MOB4: variants seen among roughly 807,000 people sequenced by gnomAD.
MOB4 encodes the protein MOB-like protein phocein.
MOB4 carries 4 observed loss-of-function variants against 32.2 expected under a neutral mutation model. The observed-to-expected ratio is 0.12, with a 90% CI of 0.06 to 0.28. MOB4 has a LOEUF of 0.28. Among genes scored for constraint, MOB4 ranks in the 10% least tolerant of loss-of-function variants. The probability of loss-of-function intolerance (pLI) is 1.00; values close to 1 mark genes in which losing one functional copy is unlikely to be tolerated. For missense variants in MOB4, 158 were observed against 271.2 expected (o/e 0.58, Z 2.93); for synonymous variants, 88 against 88.1 (o/e 1.00, Z 0.01).
chr2:197,550,802 T>C lies in MOB4; in HGVS notation c.*156T>C, dbSNP rs1413049084. On this transcript the variant is annotated 3_prime_UTR_variant, in exon 8 of 8. Transcript: ENST00000323303. ...GCCTTTTAAAATGGGAAATACTTTT[T>C]AAGTTATTCATAAGCTGTATATTCA... 2 of 885,680 alleles carry C rather than the reference T, an allele frequency of 2.3e-6. No homozygotes were observed. The highest frequency in any genetic ancestry group is 3.1e-6 in the Non-Finnish European group (2 of 647,372). The allele number at this position is 885,680 out of a possible 1,614,324, so 54.9% of individuals were successfully genotyped here. A position where few individuals can be genotyped will look rare whatever the true frequency, so the allele number is the denominator to read the frequency against.
At chr2:197,534,856 T>C (rs1319194338) in intron 2 of MOB4, among the ~76,000 whole-genome samples, 1 of 152,034 alleles carries the variant, frequency 6.6e-6, no homozygotes, top group Non-Finnish European at 1.5e-5. Context: ...TAGAACATAT[T>C]TATCCTTCCT....
At position 197,523,621 on chromosome 2, in the gene MOB4, T is replaced by C. The variant is rs1222326036; in HGVS notation, c.61-3T>C. The C allele has an allele frequency of 2.5e-6, 4 of 1,608,056 alleles. No homozygotes were observed. Among genetic ancestry groups the C allele is most frequent in the Non-Finnish European group, 3.4e-6 (4 of 1,178,554 alleles). ...TGCTTTAACCGTGAATTTATTTTTA[T>C]AGGATTTCTATAATTGGCCTGATGA... On this transcript the variant is annotated splice_polypyrimidine_tract_variant and splice_region_variant and intron_variant, in intron 1 of 7. Transcript: ENST00000323303.
intron 5 of MOB4, among the ~76,000 whole-genome samples, chr2:197,541,085 G>C (rs1422731051): frequency 2.6e-5 from 4 of 151,966 alleles, no homozygotes; most frequent in African/African-American, 9.7e-5. Context: ...ATTTTTAGTA[G>C]AGATGGGGTT....
chr2:197,547,259 G>A (rs1317151917), intron 5 of MOB4, among the ~76,000 whole-genome samples: 4 of 152,144 alleles, frequency 2.6e-5, no homozygotes, highest in Non-Finnish European at 5.9e-5. Context: ...GATTTACGCA[G>A]TTCAAACCTG....
At chr2:197,538,611 G>T (rs1277769007) in intron 3 of MOB4, among the ~76,000 whole-genome samples, 3 of 152,128 alleles carry the variant, frequency 2.0e-5, no homozygotes, top group Non-Finnish European at 4.4e-5. Flanking sequence ...TTCCAGCTCT[G>T]GTTGGTCTCT....
At chr2:197,549,060 C>G (rs1224732551) in intron 6 of MOB4, among the ~76,000 whole-genome samples, 2 of 152,102 alleles carry the variant, frequency 1.3e-5, no homozygotes, top group Non-Finnish European at 2.9e-5. Flanking sequence ...GAAACTCCTT[C>G]TCTACTAAAA....
chr2:197,531,639 C>T (rs2086706857), intron 2 of MOB4, among the ~76,000 whole-genome samples: 1 of 152,048 alleles, frequency 6.6e-6, no homozygotes, highest in African/African-American at 2.4e-5. Context: ...GATCTTGGCT[C>T]ACTGCAACCT....
At chr2:197,526,753 G>C (rs1447344334) in intron 2 of MOB4, among the ~76,000 whole-genome samples, 1 of 152,214 alleles carries the variant, frequency 6.6e-6, no homozygotes, top group Non-Finnish European at 1.5e-5. Flanking sequence ...TGGTTTAAAT[G>C]CCTTTCCTTT....
chr2:197,539,078 A>G (rs1574646099), intron 3 of MOB4, among the ~76,000 whole-genome samples: 1 of 151,378 alleles, frequency 6.6e-6, no homozygotes, highest in African/African-American at 2.4e-5. Flanking sequence ...TTGTCTTCTG[A>G]TTATATAGGT....
intron 3 of MOB4, among the ~76,000 whole-genome samples, chr2:197,536,904 T>G (rs2086809484): frequency 6.6e-6 from 1 of 152,068 alleles, no homozygotes. Flanking sequence ...CTTGTCTTTT[T>G]TTTTTCCTTT....
intron 5 of MOB4, among the ~76,000 whole-genome samples, 186 bp downstream of exon 5, chr2:197,540,623 C>A (rs547438665): frequency 6.8e-4 from 103 of 152,290 alleles, no homozygotes; most frequent in African/African-American, 2.3e-3. Context: ...CATCATTTTT[C>A]ATAATTGGGC....
At chr2:197,515,942 C>G, upstream of MOB4, 2 of 804,378 alleles carry the variant, frequency 2.5e-6, no homozygotes, top group South Asian at 1.8e-5. Flanking sequence ...CCGCTTCTAC[C>G]CGGACGGCTC....
At chr2:197,516,020 C>A, upstream of MOB4, 1 of 1,503,832 alleles carries the variant, frequency 6.6e-7, no homozygotes, top group South Asian at 1.2e-5. Flanking sequence ...CCGCTCTGCC[C>A]CGCCCCCCGC....
In MOB4 at chr2:197,551,346, G is replaced by C. The variant is rs2087094544; in HGVS notation, c.*700G>C. Reference sequence around the variant, plus strand: ...TATTTTCCCACTGGAAACCTGCCCTGTCCACCCCTTCTCATTTCCCTTAAC... The same window carrying C: ...TATTTTCCCACTGGAAACCTGCCCTCTCCACCCCTTCTCATTTCCCTTAAC... On this transcript the variant is annotated 3_prime_UTR_variant, in exon 8 of 8. Coordinates refer to ENST00000323303, the MANE Select transcript of MOB4 (RefSeq NM_015387.5). 1 of 152,682 alleles carries C rather than the reference G, an allele frequency of 6.5e-6. No homozygotes were observed. Among genetic ancestry groups the C allele is most frequent in the South Asian group, 2.1e-4 (1 of 4,824 alleles). 9.5% of individuals were successfully genotyped at this position (152,682 alleles called of 1,614,324 possible). A position where few individuals can be genotyped will look rare whatever the true frequency, so the allele number is the denominator to read the frequency against.
intron 2 of MOB4, among the ~76,000 whole-genome samples, chr2:197,533,546 G>A (rs1467172130): frequency 6.6e-6 from 1 of 151,918 alleles, no homozygotes; most frequent in African/African-American, 2.4e-5. Flanking sequence ...CTAACATGGC[G>A]AAACCCTGTC....
intron 4 of MOB4, 29 bp downstream of exon 4, chr2:197,540,182 A>AT: frequency 6.3e-7 from 1 of 1,597,240 alleles, no homozygotes; most frequent in Non-Finnish European, 8.5e-7. Context: ...CAAAGTTATA[A>AT]TTGAAAGTTC....
intron 2 of MOB4, among the ~76,000 whole-genome samples, chr2:197,530,603 C>A (rs13388275): frequency 0.041 from 6,162 of 151,832 alleles, 411 homozygotes; most frequent in African/African-American, 0.14. Context: ...CATTCAAATT[C>A]TCCTGGCTTC....
chr2:197,522,033 T>C (rs2086529192), intron 1 of MOB4, among the ~76,000 whole-genome samples: 1 of 152,144 alleles, frequency 6.6e-6, no homozygotes, highest in Non-Finnish European at 1.5e-5. Context: ...GTTTAGAGAC[T>C]GCAGTAAAGA....
At chr2:197,549,213 A>G (rs2106140253) in intron 6 of MOB4, among the ~76,000 whole-genome samples, 1 of 151,918 alleles carries the variant, frequency 6.6e-6, no homozygotes, top group East Asian at 1.9e-4. Context: ...GGGCAACAAG[A>G]GCGAAACTGT....
Sources: allele counts gnomAD v4.1 joint callset (sites outside exome capture counted in the v4.1 genomes callset), GRCh38; gene constraint gnomAD v4.1.1; transcripts MANE v1.5; gene names NCBI Gene and HGNC (gene_info 2026-07-23, HGNC 2026-07-21).